Variants in KCNK2 observed in about 807,000 individuals in gnomAD.
The protein encoded by KCNK2 is potassium two pore domain channel subfamily K member 2.
A neutral mutation model predicts 40.5 loss-of-function variants in KCNK2; 21 were observed. The observed-to-expected ratio is 0.52, with a 90% confidence interval of 0.37 to 0.75. KCNK2 has a LOEUF of 0.75. Ranked by LOEUF, KCNK2 falls within the 30% of genes least tolerant of loss-of-function variation. KCNK2 has a pLI of 0.00. For missense variants in KCNK2, 399 were observed against 531.6 expected (o/e 0.75, Z 2.45); for synonymous variants, 191 against 202.2 (o/e 0.94, Z 0.47).
At position 215,148,997 on chromosome 1, in the gene KCNK2, G is replaced by A. The variant is rs185672343; in HGVS notation, c.476-20202G>A. 4.0e-3 allele frequency among the ~76,000 whole-genome samples: 606 copies of A among 152,254 alleles called. 2 individuals are homozygous for A. The highest frequency in any genetic ancestry group is 0.017 in the Middle Eastern group (5 of 294). On this transcript the variant is annotated intron_variant, in intron 3 of 6. Transcript: ENST00000444842. ...AAAAGGTAGAGAGCAATGGTACACC[G>A]GGGAGTCTTGGCACAAGGGGAGTGA...
intron 1 of KCNK2, among the ~76,000 whole-genome samples, chr1:215,018,972 A>G (rs1031528555): frequency 6.8e-6 from 1 of 147,468 alleles, no homozygotes; most frequent in Non-Finnish European, 1.5e-5. Context: ...GTGGGGTGCA[A>G]TTCTCTCTCA....
intron 2 of KCNK2, among the ~76,000 whole-genome samples, chr1:215,094,138 C>G (rs1412919298): frequency 2.0e-5 from 3 of 150,142 alleles, no homozygotes; most frequent in African/African-American, 7.3e-5. Flanking sequence ...AGAAAGAGTA[C>G]AATTATTTTT....
chr1:215,053,397 G>A (rs746984490), intron 1 of KCNK2, among the ~76,000 whole-genome samples: 2 of 152,134 alleles, frequency 1.3e-5, no homozygotes, highest in African/African-American at 4.8e-5. Context: ...GCTAGGACCC[G>A]GGTTTAGCCA....
intron 1 of KCNK2, among the ~76,000 whole-genome samples, chr1:215,030,186 G>A (rs1313881396): frequency 6.6e-6 from 1 of 152,118 alleles, no homozygotes; most frequent in African/African-American, 2.4e-5. Context: ...ACGCTTATTT[G>A]TCATTTGTGT....
chr1:215,190,977 CT>C (rs565356034), intron 5 of KCNK2, among the ~76,000 whole-genome samples: 828 of 143,368 alleles, frequency 5.8e-3, no homozygotes, highest in African/African-American at 0.013. Flanking sequence ...TTCTTTCTTT[CT>C]TTTTTTTTTT....
At chr1:215,115,212 A>T (rs906421551) in intron 2 of KCNK2, among the ~76,000 whole-genome samples, 5 of 152,094 alleles carry the variant, frequency 3.3e-5, no homozygotes, top group Non-Finnish European at 7.4e-5. Context: ...GCCTGTGATT[A>T]CCTTTATATA....
intron 2 of KCNK2, among the ~76,000 whole-genome samples, chr1:215,114,219 A>G (rs1189534933): frequency 1.3e-5 from 2 of 152,142 alleles, no homozygotes; most frequent in African/African-American, 4.8e-5. Flanking sequence ...TGTGCTCTGA[A>G]GCATTGTTGA....
chr1:215,122,957 G>T (rs1199232061), intron 2 of KCNK2, among the ~76,000 whole-genome samples: 1 of 151,638 alleles, frequency 6.6e-6, no homozygotes, highest in Non-Finnish European at 1.5e-5. Flanking sequence ...TGTTAGCCAG[G>T]ATGGTCTCGA....
intron 3 of KCNK2, among the ~76,000 whole-genome samples, chr1:215,134,498 C>A (rs1208016308): frequency 6.6e-6 from 1 of 152,156 alleles, no homozygotes; most frequent in African/African-American, 2.4e-5. Flanking sequence ...TGGGATACAT[C>A]CATGTGTTCT....
At chr1:215,099,336 A>G (rs980501215) in intron 2 of KCNK2, among the ~76,000 whole-genome samples, 7 of 151,946 alleles carry the variant, frequency 4.6e-5, no homozygotes, top group African/African-American at 1.7e-4. Context: ...CCTGAAAAGG[A>G]CACGATCTCA....
At chr1:215,021,537 C>CTTTTTTTTTTTTT (rs538476962) in intron 1 of KCNK2, among the ~76,000 whole-genome samples, 4 of 96,324 alleles carry the variant, frequency 4.2e-5, no homozygotes, top group African/African-American at 1.8e-4. Flanking sequence ...GGACAACCAT[C>CTTTTTTTTTTTTT]TTTTTTTTTT....
intron 2 of KCNK2, among the ~76,000 whole-genome samples, chr1:215,097,475 C>T (rs899111045): frequency 3.5e-5 from 5 of 141,884 alleles, no homozygotes; most frequent in African/African-American, 1.3e-4. Context: ...CTATGGCTTC[C>T]TTTTGGGGTG....
chr1:215,072,317 A>G (rs1048446048), intron 1 of KCNK2, among the ~76,000 whole-genome samples: 4 of 152,246 alleles, frequency 2.6e-5, no homozygotes, highest in African/African-American at 9.6e-5. Flanking sequence ...AGGACTCACA[A>G]TCATGGCTGA....
intron 1 of KCNK2, among the ~76,000 whole-genome samples, chr1:215,007,702 A>G (rs1463456332): frequency 6.6e-6 from 1 of 152,158 alleles, no homozygotes; most frequent in Admixed American, 6.5e-5. Context: ...AGTAGTGGTG[A>G]AATCCTTTGG....
At chr1:215,119,592 A>G (rs1270993122) in intron 2 of KCNK2, among the ~76,000 whole-genome samples, 1 of 152,090 alleles carries the variant, frequency 6.6e-6, no homozygotes, top group African/African-American at 2.4e-5. Flanking sequence ...TCCAATCAAG[A>G]TTATCTTTTA....
At chr1:215,076,309 A>G (rs552186566) in intron 1 of KCNK2, among the ~76,000 whole-genome samples, 1 of 152,338 alleles carries the variant, frequency 6.6e-6, no homozygotes, top group Admixed American at 6.5e-5. Flanking sequence ...AAAACTTAGC[A>G]GCAAAAACAA....
chr1:215,168,629 C>T (rs964363775), intron 3 of KCNK2, among the ~76,000 whole-genome samples: 2 of 152,118 alleles, frequency 1.3e-5, no homozygotes, highest in South Asian at 4.1e-4. Context: ...CACATGTTCT[C>T]GCTCATAAGT....
At chr1:215,182,357 T>C (rs1164597381) in intron 5 of KCNK2, among the ~76,000 whole-genome samples, 1 of 152,104 alleles carries the variant, frequency 6.6e-6, no homozygotes, top group Non-Finnish European at 1.5e-5. Context: ...CAACAATCTA[T>C]GTCCAGGAAG....
In KCNK2 at chr1:215,179,617, A is replaced by G. The variant is rs537034170; in HGVS notation, c.823+7434A>G. Among the ~76,000 whole-genome samples the G allele has an allele frequency of 2.0e-5, 3 of 152,078 alleles. No homozygotes were observed. In the East Asian group the frequency reaches 5.8e-4, roughly 29 times the overall value. ...AATTTCTAGTTTAATTTTCTTGTTT[A>G]CTCAACATTCATTCAGGAGCAAGTT... On this transcript the variant is annotated intron_variant, in intron 5 of 6. Coordinates refer to ENST00000444842, the MANE Select transcript of KCNK2 (RefSeq NM_001017425.3).
Sources: gnomAD v4.1 joint callset for allele counts (sites outside exome capture counted in the v4.1 genomes callset) on GRCh38, gnomAD v4.1.1 for gene constraint, MANE v1.5 for transcripts, NCBI Gene and HGNC (gene_info 2026-07-23, HGNC 2026-07-21) for gene names.